AGBL1: variants seen among roughly 807,000 people sequenced by gnomAD.
AGBL1 encodes the protein AGBL carboxypeptidase 1, also known as cytosolic carboxypeptidase 4.
AGBL1 carries 130 observed loss-of-function variants against 118.9 expected under a neutral mutation model. That is an observed-to-expected ratio of 1.09 (90% confidence interval 0.95 to 1.26). AGBL1 has a LOEUF of 1.26. AGBL1 is among the 50% of genes most tolerant of loss of function. AGBL1 has a pLI of 0.00. For missense variants in AGBL1, 1,584 were observed against 1,298.1 expected, an observed-to-expected ratio of 1.22 and a Z score of -3.38; for synonymous variants, 555 against 478.9, an observed-to-expected ratio of 1.16 and a Z score of -2.08.
In AGBL1 at chr15:86,363,331, G is replaced by A. The variant is rs551255510; in HGVS notation, c.2375-34035G>A. Among the ~76,000 whole-genome samples, 13 of 152,212 alleles carry A rather than the reference G, an allele frequency of 8.5e-5. No individual in the cohort carries two copies. The South Asian group carries it at 2.5e-3, about 29-fold the overall frequency. On this transcript the variant is annotated intron_variant, in intron 17 of 22. Coordinates refer to ENST00000614907, the MANE Select transcript of AGBL1 (RefSeq NM_001386094.1). ...TACTCTTTCATCATCATTTTACTGA[G>A]TGGTGGGTACTTAGAGGTTTGTTCC...
At chr15:86,809,752 C>G (rs553450611) in intron 22 of AGBL1, among the ~76,000 whole-genome samples, 1 of 151,984 alleles carries the variant, frequency 6.6e-6, no homozygotes, top group African/African-American at 2.4e-5. Flanking sequence ...ATTTAAGAAC[C>G]CATTCATCTA....
At chr15:86,657,421 C>T (rs946567036) in intron 21 of AGBL1, among the ~76,000 whole-genome samples, 3 of 152,156 alleles carry the variant, frequency 2.0e-5, no homozygotes, top group Non-Finnish European at 4.4e-5. Flanking sequence ...TATTTATACC[C>T]AGCCTCAGGG....
At chr15:86,396,795 A>T (rs922702625) in intron 17 of AGBL1, among the ~76,000 whole-genome samples, 17 of 152,158 alleles carry the variant, frequency 1.1e-4, no homozygotes, top group African/African-American at 4.1e-4. Flanking sequence ...TAGATAGGAG[A>T]TAGTGTGAAA....
At chr15:86,122,710 G>C (rs1898159481) in intron 1 of AGBL1, among the ~76,000 whole-genome samples, 1 of 152,182 alleles carries the variant, frequency 6.6e-6, no homozygotes, top group African/African-American at 2.4e-5. Context: ...TAAACCAAAA[G>C]TGAAATTTTA....
At chr15:86,201,216 A>G (rs367741476) in intron 5 of AGBL1, among the ~76,000 whole-genome samples, 1 of 152,332 alleles carries the variant, frequency 6.6e-6, no homozygotes, top group East Asian at 1.9e-4. Context: ...GTACTTATCT[A>G]TAGATCAATC....
chr15:86,291,892 A>T (rs1185440411), intron 16 of AGBL1, among the ~76,000 whole-genome samples: 2 of 152,188 alleles, frequency 1.3e-5, no homozygotes, highest in African/African-American at 2.4e-5. Context: ...ACAATTACAT[A>T]CAAAGATTTG....
At chr15:86,536,743 C>G (rs963813583) in intron 19 of AGBL1, among the ~76,000 whole-genome samples, 2 of 152,096 alleles carry the variant, frequency 1.3e-5, no homozygotes, top group Admixed American at 6.6e-5. Context: ...GGAGGGTAAC[C>G]GCTTAGAAAG....
At chr15:86,979,641 A>C (rs901028956) in intron 23 of AGBL1, among the ~76,000 whole-genome samples, 1 of 149,768 alleles carries the variant, frequency 6.7e-6, no homozygotes, top group Non-Finnish European at 1.5e-5. Context: ...GGTGCCCGCC[A>C]CCACGCCCGG....
intron 17 of AGBL1, among the ~76,000 whole-genome samples, chr15:86,332,373 G>A (rs80040724): frequency 0.034 from 5,169 of 152,198 alleles, 287 homozygotes; most frequent in African/African-American, 0.12. Flanking sequence ...CGGGCCAGGC[G>A]CAGTGGCTCA....
At position 86,098,957 on chromosome 15, in the gene AGBL1, T is replaced by C. The variant is rs558433154; in HGVS notation, c.51+18934T>C. On this transcript the variant is annotated intron_variant, in intron 1 of 22. Coordinates refer to ENST00000614907, the MANE Select transcript of AGBL1 (RefSeq NM_001386094.1). ...CTGATCCATGAGCATTGGATGTCTT[T>C]CCATTTTTTAGTGTCCTCCTCAATT... Among the ~76,000 whole-genome samples, 10 of 152,332 alleles carry C rather than the reference T, an allele frequency of 6.6e-5. No homozygotes were observed. The South Asian group carries it at 2.1e-3, about 32-fold the overall frequency.
At chr15:86,121,118 G>A (rs1435745869) in intron 1 of AGBL1, among the ~76,000 whole-genome samples, 2 of 151,968 alleles carry the variant, frequency 1.3e-5, no homozygotes, top group African/African-American at 4.8e-5. Context: ...GGCTGGTCTC[G>A]AACTCCTGAC....
chr15:86,992,408 A>G (rs1180343575), intron 24 of AGBL1, among the ~76,000 whole-genome samples: 2 of 152,192 alleles, frequency 1.3e-5, no homozygotes, highest in East Asian at 1.9e-4. Flanking sequence ...ATACATTCCC[A>G]TTTAACTTGA....
intron 18 of AGBL1, among the ~76,000 whole-genome samples, chr15:86,519,866 A>G (rs2083164946): frequency 6.6e-6 from 1 of 152,138 alleles, no homozygotes; most frequent in Non-Finnish European, 1.5e-5. Flanking sequence ...CCAAATCTCT[A>G]TGTTTAAATA....
intron 21 of AGBL1, among the ~76,000 whole-genome samples, chr15:86,660,845 T>A (rs1476046405): frequency 6.6e-6 from 1 of 152,204 alleles, no homozygotes; most frequent in Non-Finnish European, 1.5e-5. Flanking sequence ...TGTTTGTGTT[T>A]GTTCTAAGTC....
chr15:87,020,010 G>C (rs2081646944), intron 24 of AGBL1, among the ~76,000 whole-genome samples: 1 of 151,838 alleles, frequency 6.6e-6, no homozygotes, highest in African/African-American at 2.4e-5. Flanking sequence ...AGAAAATCTA[G>C]ATAAAATGAA....
At chr15:87,030,239 T>C (rs2081770897), downstream of AGBL1, among the ~76,000 whole-genome samples, 1 of 151,956 alleles carries the variant, frequency 6.6e-6, no homozygotes, top group African/African-American at 2.4e-5. Context: ...GGTGGGCATA[T>C]GTATACAAGG....
At chr15:86,559,234 C>T (rs1196720559) in intron 21 of AGBL1, among the ~76,000 whole-genome samples, 2 of 152,098 alleles carry the variant, frequency 1.3e-5, no homozygotes, top group African/African-American at 4.8e-5. Context: ...TGTAGTGAAC[C>T]TATTTCCAAA....
At position 86,256,960 on chromosome 15, in the gene AGBL1, C is replaced by A. The variant is rs150851131; in HGVS notation, c.843C>A (p.Ala281=). The A allele has an allele frequency of 3.7e-6, 6 of 1,613,956 alleles. No individual in the cohort carries two copies. The East Asian group carries it at 8.9e-5, about 24-fold the overall frequency. ...TTCCCTTGGTCACAGCCAGCAGTGCCTATGCCTTCCCGGTCCCCGGGTGCA... is the reference window on the plus strand; with the variant it reads ...TTCCCTTGGTCACAGCCAGCAGTGCATATGCCTTCCCGGTCCCCGGGTGCA... ...SPLPLVTASS[A]YAFPVPGCIT... is the part of the protein sequence containing the mutation. Residue 281 remains alanine (A), a synonymous_variant, in exon 8 of 23, where the codon GCC becomes GCA. Coordinates refer to ENST00000614907, the MANE Select transcript of AGBL1 (RefSeq NM_001386094.1).
chr15:86,293,539 A>G (rs2079582826), intron 16 of AGBL1, among the ~76,000 whole-genome samples: 1 of 152,158 alleles, frequency 6.6e-6, no homozygotes, highest in Non-Finnish European at 1.5e-5. Flanking sequence ...CCACAACTGG[A>G]CAGTGCAGGA....
Sources: gnomAD v4.1 joint callset for allele counts (sites outside exome capture counted in the v4.1 genomes callset) on GRCh38, gnomAD v4.1.1 for gene constraint, MANE v1.5 for transcripts, NCBI Gene and HGNC (gene_info 2026-07-23, HGNC 2026-07-21) for gene names.